The following ALK variants were observed in gnomAD, a reference collection of about 807,000 sequenced individuals.
The protein encoded by ALK is ALK tyrosine kinase receptor.
A neutral mutation model predicts 163.1 loss-of-function variants in ALK; 74 were observed. The ratio of observed to expected loss-of-function variants is 0.45; its 90% CI spans 0.38 to 0.55. The LOEUF (loss-of-function observed/expected upper bound fraction) is 0.55, where lower values mean the gene tolerates loss of function less well. Ranked by LOEUF, ALK falls within the 20% of genes least tolerant of loss-of-function variation. The probability of loss-of-function intolerance (pLI) is 0.00; values close to 1 mark genes in which losing one functional copy is unlikely to be tolerated. For synonymous variants in ALK, 960 were observed against 843.2 expected (o/e 1.14, Z -2.40); for missense variants, 2,063 against 2,105.3 (o/e 0.98, Z 0.39).
At chr2:29,568,891 C>T (rs1216146058) in intron 3 of ALK, among the ~76,000 whole-genome samples, 1 of 152,170 alleles carries the variant, frequency 6.6e-6, no homozygotes. Context: ...TTGAACTGAC[C>T]CTTGTGTATG....
rs1400549151 is a variant in ALK, at chr2:29,830,468, G to GA, written c.667+89524dup. 3.3e-5 allele frequency among the ~76,000 whole-genome samples: 5 copies of GA among 152,012 alleles called. No individual in the cohort carries two copies. The East Asian group carries it at 9.7e-4, about 29-fold the overall frequency. On this transcript the variant is annotated intron_variant, in intron 1 of 28. Coordinates refer to ENST00000389048, the MANE Select transcript of ALK (RefSeq NM_004304.5). ...TTTCAAAAGAGACTTCAGGTAAGAG[G>GA]AGCCCTATTGACACAAGGTCTTCTT...
At chr2:29,364,031 A>G (rs1405882602) in intron 5 of ALK, among the ~76,000 whole-genome samples, 3 of 152,204 alleles carry the variant, frequency 2.0e-5, no homozygotes, top group Non-Finnish European at 4.4e-5. Context: ...CCAACCTCAC[A>G]GTTCCTTATT....
At chr2:29,414,377 T>C (rs1019099782) in intron 4 of ALK, among the ~76,000 whole-genome samples, 1 of 152,140 alleles carries the variant, frequency 6.6e-6, no homozygotes, top group African/African-American at 2.4e-5. Context: ...GACCCAGAAA[T>C]TGAATGTAAC....
In ALK at chr2:29,564,648, T is replaced by C. The variant is rs542320504; in HGVS notation, c.953-32532A>G. The stretch of plus-strand genomic sequence containing the variant: ...AAATAGAAATGATAAAAGGCACTCA[T>C]ATTTGCAGAGTCTTGGAATAGCATA... On this transcript the variant is annotated intron_variant, in intron 3 of 28. Transcript: ENST00000389048. Among the ~76,000 whole-genome samples the C allele has an allele frequency of 1.3e-4, 20 of 152,278 alleles. No homozygotes were observed. In the South Asian group the frequency reaches 3.9e-3, roughly 30 times the overall value.
At chr2:29,564,530 T>C (rs1674123578) in intron 3 of ALK, among the ~76,000 whole-genome samples, 1 of 152,142 alleles carries the variant, frequency 6.6e-6, no homozygotes, top group African/African-American at 2.4e-5. Flanking sequence ...AGATTTCCTG[T>C]CGCTACTGTT....
intron 3 of ALK, among the ~76,000 whole-genome samples, chr2:29,585,659 T>C (rs1423931697): frequency 1.3e-5 from 2 of 152,182 alleles, no homozygotes; most frequent in Non-Finnish European, 2.9e-5. Context: ...TAAAATAATA[T>C]ACCATATACA....
At chr2:29,530,408 C>T (rs535707096) in intron 4 of ALK, among the ~76,000 whole-genome samples, 41 of 152,290 alleles carry the variant, frequency 2.7e-4, no homozygotes, top group African/African-American at 9.6e-4. Context: ...TGGGTATTCT[C>T]AGACTCCAAC....
At chr2:29,474,162 A>G (rs1671444323) in intron 4 of ALK, among the ~76,000 whole-genome samples, 1 of 152,256 alleles carries the variant, frequency 6.6e-6, no homozygotes, top group Non-Finnish European at 1.5e-5. Flanking sequence ...ACAATGAAAT[A>G]GTCTGCAACA....
At position 29,869,568 on chromosome 2, in the gene ALK, A is replaced by T. The variant is rs552383447; in HGVS notation, c.667+50425T>A. On this transcript the variant is annotated intron_variant, in intron 1 of 28. Coordinates refer to ENST00000389048, the MANE Select transcript of ALK (RefSeq NM_004304.5). ...ACAATTGGTTAACTATATGGAAGAAAATCAATTTAGATCCTACACTTAAAT... is the reference window on the plus strand; with the variant it reads ...ACAATTGGTTAACTATATGGAAGAATATCAATTTAGATCCTACACTTAAAT... 1.5e-3 allele frequency among the ~76,000 whole-genome samples: 232 copies of T among 152,308 alleles called. 2 individuals are homozygous for T. The highest frequency in any genetic ancestry group is 5.2e-3 in the African/African-American group (218 of 41,570).
chr2:29,675,763 T>C (rs146957347), intron 3 of ALK, among the ~76,000 whole-genome samples: 9 of 152,082 alleles, frequency 5.9e-5, no homozygotes, highest in Admixed American at 5.2e-4. Flanking sequence ...CTGCTGTTCA[T>C]TGATTATTTC....
chr2:29,830,605 G>A lies in ALK; in HGVS notation c.667+89388C>T, dbSNP rs562408594. Among the ~76,000 whole-genome samples, 160 of 150,970 alleles carry A rather than the reference G, an allele frequency of 1.1e-3. 1 individual carries two copies. The highest frequency in any genetic ancestry group is 3.6e-3 in the African/African-American group (147 of 41,002). On this transcript the variant is annotated intron_variant, in intron 1 of 28. Coordinates refer to ENST00000389048, the MANE Select transcript of ALK (RefSeq NM_004304.5). ...CAGAATACATTGGGCATGGTGGCTC[G>A]TACCTGTAATCCCAGTGACTCAGGA...
intron 14 of ALK, 104 bp downstream of exon 14, chr2:29,233,461 C>CG: frequency 7.8e-6 from 12 of 1,542,632 alleles, no homozygotes; most frequent in Non-Finnish European, 1.1e-5. Flanking sequence ...CATCTTTACA[C>CG]GGGGATAAGA....
At chr2:29,485,016 A>T (rs1289262312) in intron 4 of ALK, among the ~76,000 whole-genome samples, 2 of 152,098 alleles carry the variant, frequency 1.3e-5, no homozygotes, top group African/African-American at 4.8e-5. Context: ...CTAGGAGTAG[A>T]TGTATCTTAA....
At position 29,193,714 on chromosome 2, in the gene ALK, G is replaced by T. The variant is rs774448761; in HGVS notation, c.4373C>A (p.Ala1458Asp). 2.5e-6 allele frequency: 4 copies of T among 1,608,498 alleles called. No individual in the cohort carries two copies. In the South Asian group the frequency reaches 4.4e-5, roughly 18 times the overall value. ...SSGKAAKKPT[A>D]AEISVRVPRG... ...AGGGACTCGAACAGAGATCTCTGCA[G>T]CTGTGGGTTTCTTTGCAGCCTTGCC... The change falls in exon 29 of 29, where the codon GCT becomes GAT. Residue 1458 changes from alanine to aspartate, a missense_variant. By Grantham distance (126) the Ala-to-Asp change is moderately radical. Around this residue, in one of 5 missense-constraint regions of ALK, gnomAD observed 403 missense variants for 366.2 expected, o/e 1.10. Transcript: ENST00000389048.
chr2:29,847,165 T>G (rs1333423167), intron 1 of ALK, among the ~76,000 whole-genome samples: 1 of 152,168 alleles, frequency 6.6e-6, no homozygotes, highest in Non-Finnish European at 1.5e-5. Context: ...CTCCCTTCCC[T>G]CCACGATACC....
intron 6 of ALK, among the ~76,000 whole-genome samples, chr2:29,328,128 C>T (rs1267018512): frequency 1.3e-5 from 2 of 152,302 alleles, no homozygotes; most frequent in South Asian, 2.1e-4. Flanking sequence ...CTTACAAGAT[C>T]TTGTTTGGTT....
intron 3 of ALK, among the ~76,000 whole-genome samples, chr2:29,667,048 C>G (rs1275416511): frequency 6.6e-6 from 1 of 152,064 alleles, no homozygotes; most frequent in Non-Finnish European, 1.5e-5. Context: ...AAATAGTATT[C>G]CATTGTGTAT....
chr2:29,781,823 G>A (rs1681338666), intron 1 of ALK, among the ~76,000 whole-genome samples: 1 of 152,172 alleles, frequency 6.6e-6, no homozygotes. Context: ...CTGCTAACCT[G>A]TCCTACGACA....
chr2:29,293,876 T>G (rs1462945074), intron 9 of ALK, among the ~76,000 whole-genome samples: 1 of 152,236 alleles, frequency 6.6e-6, no homozygotes, highest in East Asian at 1.9e-4. Flanking sequence ...TGGAGTCTCT[T>G]AAGTGCTAAC....
Sources: gnomAD v4.1 joint callset for allele counts (sites outside exome capture counted in the v4.1 genomes callset) on GRCh38, gnomAD v4.1.1 for gene constraint, gnomAD v4.1.1 regional missense constraint, MANE v1.5 for transcripts, NCBI Gene and HGNC (gene_info 2026-07-23, HGNC 2026-07-21) for gene names.